The following TAS2R1 variants were observed in gnomAD, a reference collection of about 807,000 sequenced individuals.
TAS2R1 encodes the protein taste 2 receptor member 1.
For missense variants in TAS2R1, 370 were observed against 353.4 expected (o/e 1.05, Z -0.38); for synonymous variants, 141 against 134.2 (o/e 1.05, Z -0.35).
the TAS2R1 span, among the ~76,000 whole-genome samples, chr5:9,725,029 G>C: frequency 1.3e-5 from 2 of 152,226 alleles, no homozygotes; most frequent in South Asian, 4.1e-4. Context: ...GCAGCCACAT[G>C]GGCCACCTGA....
chr5:9,781,961 G>A, the TAS2R1 span, among the ~76,000 whole-genome samples: 1 of 152,194 alleles, frequency 6.6e-6, no homozygotes, highest in African/African-American at 2.4e-5. Flanking sequence ...CCATTAAAAT[G>A]GGGATAGATG....
chr5:9,731,944 G>A, the TAS2R1 span, among the ~76,000 whole-genome samples: 1 of 152,202 alleles, frequency 6.6e-6, no homozygotes, highest in African/African-American at 2.4e-5. Flanking sequence ...AAACTCTGGA[G>A]TTTAAACAAT....
rs555170492 is a variant in TAS2R1 at position 9,709,818 on chromosome 5, C to T, written c.-242+2354G>A. Among the ~76,000 whole-genome samples the T allele has an allele frequency of 2.6e-5, 4 of 152,276 alleles. No individual in the cohort carries two copies. In the East Asian group the frequency reaches 7.7e-4, roughly 29 times the overall value. ...CTGGAAACACCCAGCTAATCTGCTC[C>T]CTAATTCCTTACCCATAGAAAATGT... On this transcript the variant is annotated intron_variant, in intron 1 of 2. Transcript: ENST00000506620.
intron 2 of TAS2R1, among the ~76,000 whole-genome samples, chr5:9,653,507 G>A (rs757521994): frequency 2.6e-5 from 4 of 152,120 alleles, no homozygotes; most frequent in Non-Finnish European, 5.9e-5. Context: ...TGACCCTATT[G>A]TCAGGCTTTT....
the TAS2R1 span, among the ~76,000 whole-genome samples, chr5:9,756,183 A>C: frequency 1.3e-5 from 2 of 152,220 alleles, no homozygotes; most frequent in African/African-American, 4.8e-5. Flanking sequence ...AGTGCCTGCT[A>C]TAATCCTTTC....
At chr5:9,742,142 C>T in the TAS2R1 span, among the ~76,000 whole-genome samples, 8 of 152,286 alleles carry the variant, frequency 5.3e-5, no homozygotes, top group East Asian at 1.5e-3. Flanking sequence ...GCCTCAGCCT[C>T]CCAAAGAGCT....
chr5:9,720,566 GGAAGGATTAAGAGTCTGACGA>G, the TAS2R1 span, among the ~76,000 whole-genome samples: 2 of 152,224 alleles, frequency 1.3e-5, no homozygotes, highest in Non-Finnish European at 2.9e-5. Flanking sequence ...ATCTCAGGCT[GGAAGGATTAAGAGTCTGACGA>G]GAAAGAGAGT....
the TAS2R1 span, among the ~76,000 whole-genome samples, chr5:9,786,647 A>C: frequency 6.6e-6 from 1 of 152,218 alleles, no homozygotes; most frequent in Non-Finnish European, 1.5e-5. Context: ...AGATTCCATA[A>C]ACTCTTCAAA....
intron 1 of TAS2R1, among the ~76,000 whole-genome samples, chr5:9,681,088 AAAT>A (rs1259365472): frequency 6.6e-6 from 1 of 151,902 alleles, no homozygotes; most frequent in Non-Finnish European, 1.5e-5. Flanking sequence ...TTTTAAAAAT[AAAT>A]AATAAAATAA....
the TAS2R1 span, among the ~76,000 whole-genome samples, chr5:9,824,305 T>C: frequency 6.6e-6 from 1 of 152,286 alleles, no homozygotes; most frequent in African/African-American, 2.4e-5. Context: ...CTCATGCTTC[T>C]AGTATTTAGG....
intron 2 of TAS2R1, among the ~76,000 whole-genome samples, chr5:9,640,508 A>C (rs1434805775): frequency 1.3e-5 from 2 of 149,296 alleles, no homozygotes; most frequent in Admixed American, 6.7e-5. Flanking sequence ...AAAAAAAAAA[A>C]AAAAAAAAAA....
the TAS2R1 span, among the ~76,000 whole-genome samples, chr5:9,848,397 A>G: frequency 6.6e-6 from 1 of 152,336 alleles, no homozygotes; most frequent in Middle Eastern, 3.4e-3. Context: ...AGATTATGCA[A>G]TGGGAACTCG....
intron 1 of TAS2R1, chr5:9,712,095 G>C (rs371417430): frequency 6.6e-6 from 1 of 151,642 alleles, no homozygotes; most frequent in South Asian, 2.1e-4. Flanking sequence ...CTTTGTTAGA[G>C]AATATTTTCA....
At chr5:9,719,937 A>C in the TAS2R1 span, among the ~76,000 whole-genome samples, 8 of 130,158 alleles carry the variant, frequency 6.1e-5, no homozygotes, top group Non-Finnish European at 1.1e-4. Context: ...AAAAAAAAAA[A>C]ACAAAAACAA....
At chr5:9,719,449 C>T in the TAS2R1 span, among the ~76,000 whole-genome samples, 3 of 152,346 alleles carry the variant, frequency 2.0e-5, no homozygotes, top group Admixed American at 1.3e-4. Context: ...CCCACTTCCT[C>T]GCTTTTGTCT....
the TAS2R1 span, among the ~76,000 whole-genome samples, chr5:9,892,593 C>T: frequency 5.3e-5 from 8 of 152,052 alleles, no homozygotes; most frequent in East Asian, 7.7e-4. Flanking sequence ...CTGGAGATGC[C>T]GCTATGCTGC....
At chr5:9,635,842 T>C (rs1338340107) in intron 2 of TAS2R1, among the ~76,000 whole-genome samples, 3 of 152,116 alleles carry the variant, frequency 2.0e-5, no homozygotes. Context: ...TCTTGGTTAA[T>C]CTCACTAATG....
chr5:9,693,765 C>T (rs148471290), intron 1 of TAS2R1, among the ~76,000 whole-genome samples: 22 of 151,982 alleles, frequency 1.4e-4, no homozygotes, highest in South Asian at 1.0e-3. Flanking sequence ...CTGCCGACTA[C>T]GTTGCCTTTT....
At chr5:9,818,342 GA>G in the TAS2R1 span, among the ~76,000 whole-genome samples, 3 of 152,200 alleles carry the variant, frequency 2.0e-5, no homozygotes, top group African/African-American at 4.8e-5. Flanking sequence ...TATCTCTCTA[GA>G]GTATATGCCT....
Sources: gnomAD v4.1 joint callset for allele counts (sites outside exome capture counted in the v4.1 genomes callset) on GRCh38, gnomAD v4.1.1 for gene constraint, MANE v1.5 for transcripts, NCBI Gene and HGNC (gene_info 2026-07-23, HGNC 2026-07-21) for gene names.